Variants in PCLO observed in about 807,000 individuals in gnomAD.
PCLO encodes protein piccolo.
In PCLO, 82 loss-of-function variants were observed where a neutral mutation model predicts 427.5. That is an observed-to-expected ratio of 0.19 (90% CI 0.16 to 0.23). The LOEUF (loss-of-function observed/expected upper bound fraction) is 0.23, where lower values mean the gene tolerates loss of function less well. Among genes scored for constraint, PCLO ranks in the 10% least tolerant of loss-of-function variants. PCLO has a pLI of 1.00. For synonymous variants in PCLO, 2,357 were observed against 2,155.4 expected (o/e 1.09, Z -2.59); for missense variants, 6,239 against 6,115.9 (o/e 1.02, Z -0.67).
chr7:82,973,862 A>C (rs1435525236), intron 3 of PCLO, among the ~76,000 whole-genome samples: 1 of 151,916 alleles, frequency 6.6e-6, no homozygotes. Flanking sequence ...CTTGATTGAT[A>C]CTCTTTTTGT....
chr7:83,072,942 T>C (rs997817740), intron 3 of PCLO, among the ~76,000 whole-genome samples: 2 of 151,900 alleles, frequency 1.3e-5, no homozygotes, highest in Non-Finnish European at 2.9e-5. Context: ...AGTTGCAAAA[T>C]GGTTTCTCTT....
intron 3 of PCLO, among the ~76,000 whole-genome samples, chr7:83,130,330 C>A (rs1175942787): frequency 1.3e-5 from 2 of 152,082 alleles, no homozygotes; most frequent in African/African-American, 4.8e-5. Flanking sequence ...CAGGCATGAA[C>A]CACCATGCCG....
At position 83,047,198 on chromosome 7, in the gene PCLO, T is replaced by A. The variant is rs1055976755; in HGVS notation, c.3301-80711A>T. ...ACCACCACCACTCCTTTGGAAAGAG[T>A]GACACTGGGTAATTTGCCTTTATTT... On this transcript the variant is annotated intron_variant, in intron 3 of 24. Transcript: ENST00000333891. Among the ~76,000 whole-genome samples the A allele has an allele frequency of 8.6e-5, 13 of 152,030 alleles. 1 individual carries two copies. The highest frequency in any genetic ancestry group is 2.0e-4 in the Admixed American group (3 of 15,256).
chr7:82,936,287 A>G (rs1197509469), intron 6 of PCLO, among the ~76,000 whole-genome samples: 2 of 151,756 alleles, frequency 1.3e-5, no homozygotes, highest in African/African-American at 2.4e-5. Context: ...AAATCAATTA[A>G]GAAAAACTAG....
Position 83,151,444 on chromosome 7 carries a change from TC to T in PCLO, c.1893+3303del, listed in dbSNP as rs142322836. On this transcript the variant is annotated intron_variant, in intron 2 of 24. Transcript: ENST00000333891. ...TCTCATACAAATTTTCAGTTAATCT[TC>T]CAGTGTGTCTGGCAGAGAGCATGTT... Among the ~76,000 whole-genome samples the T allele has an allele frequency of 2.4e-3, 365 of 152,346 alleles. 2 individuals are homozygous for T. Among genetic ancestry groups the T allele is most frequent in the African/African-American group, 8.0e-3 (334 of 41,568 alleles).
chr7:83,008,408 C>A (rs182013632), intron 3 of PCLO, among the ~76,000 whole-genome samples: 2 of 151,704 alleles, frequency 1.3e-5, no homozygotes, highest in Admixed American at 1.3e-4. Context: ...TTTAATGCTT[C>A]CTGTACATGA....
intron 3 of PCLO, among the ~76,000 whole-genome samples, chr7:83,056,240 T>C (rs552544229): frequency 6.6e-6 from 1 of 152,236 alleles, no homozygotes; most frequent in African/African-American, 2.4e-5. Context: ...TTTGAGATCC[T>C]TATGCACAAT....
At chr7:83,159,621 A>G (rs1792383913) in intron 1 of PCLO, among the ~76,000 whole-genome samples, 1 of 152,050 alleles carries the variant, frequency 6.6e-6, no homozygotes, top group Non-Finnish European at 1.5e-5. Context: ...AGCAGAAAAC[A>G]AAATATTTCC....
chr7:83,088,532 C>T (rs1457181782), intron 3 of PCLO, among the ~76,000 whole-genome samples: 1 of 152,148 alleles, frequency 6.6e-6, no homozygotes, highest in African/African-American at 2.4e-5. Context: ...ATGTACTAGA[C>T]CAGGTAGCCG....
At chr7:83,147,799 A>G (rs1393204832) in intron 2 of PCLO, among the ~76,000 whole-genome samples, 1 of 152,228 alleles carries the variant, frequency 6.6e-6, no homozygotes, top group Non-Finnish European at 1.5e-5. Context: ...TGTATGGCAT[A>G]AAAAGTAAAA....
At chr7:83,042,860 AAAACAAAC>A (rs772757568) in intron 3 of PCLO, among the ~76,000 whole-genome samples, 2 of 152,122 alleles carry the variant, frequency 1.3e-5, no homozygotes, top group African/African-American at 2.4e-5. Context: ...ACTCTGTCTC[AAAACAAAC>A]AAACAAACAA....
chr7:82,835,661 C>T lies in PCLO; in HGVS notation c.14249+6G>A, dbSNP rs780482811. The T allele has an allele frequency of 6.2e-7, 1 of 1,608,320 alleles. No homozygotes were observed. Among genetic ancestry groups the T allele is most frequent in the Non-Finnish European group, 8.5e-7 (1 of 1,176,912 alleles). ...GAGCTTGACACTGAAAGAGAAACAACTCTACCTTGCATTCTGGACAACCAT... is the reference window on the plus strand; with the variant it reads ...GAGCTTGACACTGAAAGAGAAACAATTCTACCTTGCATTCTGGACAACCAT... On this transcript the variant is annotated splice_donor_region_variant and intron_variant, in intron 16 of 24. Coordinates refer to ENST00000333891, the MANE Select transcript of PCLO (RefSeq NM_033026.6).
At chr7:82,971,301 C>T (rs1795897875) in intron 3 of PCLO, among the ~76,000 whole-genome samples, 1 of 151,556 alleles carries the variant, frequency 6.6e-6, no homozygotes, top group South Asian at 2.1e-4. Flanking sequence ...TTGTGATACG[C>T]ATGATTATTC....
At position 82,954,477 on chromosome 7, in the gene PCLO, T is replaced by C; in HGVS notation, c.6476A>G (p.His2159Arg). ...YTREIQEIIA[H>R]ESLILTYSEP... ...CGAGTAGGTCAAAATCAGCGATTCA[T>C]GGGCAATTATCTCTTGAATTTCTCT... Residue 2159 changes from histidine to arginine, a missense_variant, in exon 5 of 25, where the codon CAT (histidine) becomes CGT (arginine). His to Arg is a conservative substitution (Grantham distance 29). Coordinates refer to ENST00000333891, the MANE Select transcript of PCLO (RefSeq NM_033026.6). 1 of 1,613,978 alleles carries C rather than the reference T, an allele frequency of 6.2e-7. No individual in the cohort carries two copies. Among genetic ancestry groups the C allele is most frequent in the Non-Finnish European group, 8.5e-7 (1 of 1,179,844 alleles).
chr7:83,135,570 T>C lies in PCLO; in HGVS notation c.1980A>G (p.Lys660=). The C allele has an allele frequency of 6.2e-7, 1 of 1,613,394 alleles. No individual in the cohort carries two copies. Among genetic ancestry groups the C allele is most frequent in the East Asian group, 2.2e-5 (1 of 44,828 alleles). ...LAPVPSSPQP[K]LKTAPVTTTS... ...TAGTGGTAACAGGTGCAGTCTTCAG[T>C]TTGGGCTGGGGTGATGACGGAACTG... Residue 660 remains lysine (K), a synonymous_variant, in exon 3 of 25, where the codon AAA becomes AAG. Coordinates refer to ENST00000333891, the MANE Select transcript of PCLO (RefSeq NM_033026.6).
At chr7:83,023,158 A>T (rs77154969) in intron 3 of PCLO, among the ~76,000 whole-genome samples, 2,073 of 152,330 alleles carry the variant, frequency 0.014, 16 homozygotes, top group Non-Finnish European at 0.021. Context: ...TAAAGTATTA[A>T]TGGCATTTAA....
intron 3 of PCLO, among the ~76,000 whole-genome samples, chr7:82,991,540 A>T: frequency 6.6e-6 from 1 of 152,152 alleles, no homozygotes; most frequent in East Asian, 1.9e-4. Context: ...TAATGCTGAG[A>T]TAACAATATA....
intron 3 of PCLO, among the ~76,000 whole-genome samples, chr7:83,068,501 T>A (rs945273059): frequency 9.9e-5 from 15 of 152,046 alleles, no homozygotes; most frequent in African/African-American, 3.4e-4. Flanking sequence ...AAAGAAGACA[T>A]ACGAATGACC....
chr7:83,054,330 T>C (rs527917093), intron 3 of PCLO, among the ~76,000 whole-genome samples: 2 of 152,198 alleles, frequency 1.3e-5, no homozygotes, highest in Admixed American at 6.5e-5. Context: ...TGCCTTAATA[T>C]TGGAAATCCA....
Sources: gnomAD v4.1 joint callset for allele counts (sites outside exome capture counted in the v4.1 genomes callset) on GRCh38, gnomAD v4.1.1 for gene constraint, MANE v1.5 for transcripts, NCBI Gene and HGNC (gene_info 2026-07-23, HGNC 2026-07-21) for gene names.